The following SNX13 variants were observed in gnomAD, a reference collection of about 807,000 sequenced individuals.
SNX13 encodes sorting nexin-13.
In SNX13, 45 loss-of-function variants were observed where a neutral mutation model predicts 133.6. That is an observed-to-expected ratio of 0.34 (90% CI 0.27 to 0.43). SNX13 has a LOEUF of 0.43. Ranked by LOEUF, SNX13 falls within the 20% of genes least tolerant of loss-of-function variation. The probability of loss-of-function intolerance (pLI) is 1.00; values close to 1 mark genes in which losing one functional copy is unlikely to be tolerated. For missense variants in SNX13, 1,032 were observed against 1,145.1 expected, an observed-to-expected ratio of 0.90 and a Z score of 1.43; for synonymous variants, 414 against 373.9, an observed-to-expected ratio of 1.11 and a Z score of -1.24.
chr7:17,793,978 G>A lies in SNX13; in HGVS notation c.*67C>T. The stretch of plus-strand genomic sequence containing the variant: ...GCAGACACAACAGTATTTGAGTTAA[G>A]CCCCAGAAGATCTGTCCATACCATT... On this transcript the variant is annotated 3_prime_UTR_variant, in exon 26 of 26. Transcript: ENST00000428135. The A allele has an allele frequency of 6.5e-7, 1 of 1,532,838 alleles. No homozygotes were observed. 95.0% of individuals were successfully genotyped at this position (1,532,838 alleles called of 1,614,324 possible).
At chr7:17,854,124 GTTCT>G (rs1243189539) in intron 9 of SNX13, among the ~76,000 whole-genome samples, 3 of 152,018 alleles carry the variant, frequency 2.0e-5, no homozygotes, top group Non-Finnish European at 4.4e-5. Flanking sequence ...TTTTTTTTCT[GTTCT>G]TTATTTAAGA....
At chr7:17,933,207 A>G (rs1801600940) in intron 1 of SNX13, among the ~76,000 whole-genome samples, 1 of 152,244 alleles carries the variant, frequency 6.6e-6, no homozygotes, top group Non-Finnish European at 1.5e-5. Context: ...AATGACTGGT[A>G]ACCCTCAAAT....
chr7:17,812,181 C>A (rs559740153), intron 20 of SNX13, among the ~76,000 whole-genome samples: 31 of 152,100 alleles, frequency 2.0e-4, no homozygotes, highest in African/African-American at 6.7e-4. Context: ...TTCTGTACAG[C>A]AAAAGAAACT....
intron 20 of SNX13, among the ~76,000 whole-genome samples, chr7:17,806,387 G>C (rs1020237058): frequency 2.6e-5 from 4 of 152,138 alleles, no homozygotes; most frequent in African/African-American, 9.7e-5. Context: ...TTGATAAAAT[G>C]TTTGCAGATG....
At chr7:17,829,546 T>C (rs1376504679) in intron 16 of SNX13, among the ~76,000 whole-genome samples, 2 of 150,538 alleles carry the variant, frequency 1.3e-5, no homozygotes, top group Non-Finnish European at 3.0e-5. Flanking sequence ...CCTGAATTTG[T>C]TTTAGTGTAG....
At chr7:17,806,970 A>C (rs1454626033) in intron 20 of SNX13, among the ~76,000 whole-genome samples, 1 of 152,226 alleles carries the variant, frequency 6.6e-6, no homozygotes, top group African/African-American at 2.4e-5. Flanking sequence ...ACAGACCAGC[A>C]GATTTCCTCC....
At chr7:17,857,004 TA>T (rs1791989157) in intron 9 of SNX13, among the ~76,000 whole-genome samples, 3 of 151,484 alleles carry the variant, frequency 2.0e-5, no homozygotes, top group African/African-American at 7.3e-5. Context: ...TACGCTAGAC[TA>T]AGAAAAAAAG....
intron 1 of SNX13, among the ~76,000 whole-genome samples, chr7:17,906,441 C>T (rs1311182362): frequency 6.6e-6 from 1 of 151,856 alleles, no homozygotes; most frequent in East Asian, 1.9e-4. Flanking sequence ...ATATGTACCA[C>T]ACAATTTAAA....
chr7:17,801,016 A>ATATATATATATATATATACG lies in SNX13; in HGVS notation c.2298+571_2298+572insCGTATATATATATATATATA, dbSNP rs1784562216. ...GTATCTACTAAAACTGAACATATATATATATATATATATATATATATATAT... is the reference window on the plus strand; with the variant it reads ...GTATCTACTAAAACTGAACATATATATATATATATATATATATACGTATATATATATATATATATATATAT... On this transcript the variant is annotated intron_variant, in intron 22 of 25. Coordinates refer to ENST00000428135, the MANE Select transcript of SNX13 (RefSeq NM_015132.5). 2.8e-3 allele frequency among the ~76,000 whole-genome samples: 27 copies of ATATATATATATATATATACG among 9,776 alleles called. 1 individual carries two copies. Among genetic ancestry groups the ATATATATATATATATATACG allele is most frequent in the African/African-American group, 7.5e-3 (27 of 3,602 alleles). 6.4% of individuals were successfully genotyped at this position (9,776 alleles called of 152,430 possible). A position where few individuals can be genotyped will look rare whatever the true frequency, so the allele number is the denominator to read the frequency against.
intron 9 of SNX13, 124 bp from the exon 10 acceptor site, chr7:17,851,088 A>G (rs1381572531): frequency 2.1e-6 from 2 of 971,412 alleles, no homozygotes; most frequent in Non-Finnish European, 3.0e-6. Context: ...CAACAAAAAG[A>G]AAAAAGTTCT....
intron 5 of SNX13, among the ~76,000 whole-genome samples, chr7:17,885,288 C>T (rs1795854647): frequency 7.5e-6 from 1 of 133,260 alleles, no homozygotes; most frequent in African/African-American, 2.9e-5. Context: ...ATAGGCAAAT[C>T]CATAGAGACA....
intron 1 of SNX13, among the ~76,000 whole-genome samples, chr7:17,918,076 A>G (rs556120629): frequency 1.3e-5 from 2 of 152,262 alleles, no homozygotes; most frequent in East Asian, 1.9e-4. Context: ...GTCAATAAAC[A>G]GTGCTGGGAA....
intron 2 of SNX13, among the ~76,000 whole-genome samples, chr7:17,896,902 A>G (rs1797273824): frequency 6.6e-6 from 1 of 152,140 alleles, no homozygotes; most frequent in African/African-American, 2.4e-5. Context: ...GACCGAAATG[A>G]CAACATTCAT....
chr7:17,843,894 A>G (rs1790192416), intron 12 of SNX13, among the ~76,000 whole-genome samples: 2 of 152,090 alleles, frequency 1.3e-5, no homozygotes, highest in Non-Finnish European at 2.9e-5. Context: ...GAGAAATTAG[A>G]AAATACATAA....
chr7:17,796,088 A>C (rs1201534162), intron 25 of SNX13: 2 of 151,698 alleles, frequency 1.3e-5, no homozygotes, highest in Non-Finnish European at 3.0e-5. Context: ...ACATGCAGGC[A>C]TTTTCAAAGA....
intron 1 of SNX13, among the ~76,000 whole-genome samples, chr7:17,938,321 C>A (rs925693893): frequency 3.3e-5 from 5 of 152,288 alleles, no homozygotes; most frequent in Admixed American, 6.5e-5. Flanking sequence ...ACGGTCAGAG[C>A]TCTCTACTGA....
chr7:17,843,036 G>C (rs1184529393), intron 12 of SNX13, among the ~76,000 whole-genome samples: 3 of 151,710 alleles, frequency 2.0e-5, no homozygotes, highest in Non-Finnish European at 4.4e-5. Context: ...TATCAAAAAA[G>C]ACATAAAGCA....
intron 21 of SNX13, 97 bp from the exon 22 acceptor site, chr7:17,801,756 C>T: frequency 3.3e-6 from 3 of 905,998 alleles, no homozygotes. Flanking sequence ...AGCATTTGAT[C>T]TGACTTTTGG....
intron 2 of SNX13, among the ~76,000 whole-genome samples, chr7:17,894,806 A>G (rs1797026860): frequency 2.0e-5 from 3 of 152,202 alleles, no homozygotes; most frequent in South Asian, 4.1e-4. Context: ...GTCAGTCTCA[A>G]CTACTGAAAG....
Sources: allele counts gnomAD v4.1 joint callset (sites outside exome capture counted in the v4.1 genomes callset), GRCh38; gene constraint gnomAD v4.1.1; transcripts MANE v1.5; gene names NCBI Gene and HGNC (gene_info 2026-07-23, HGNC 2026-07-21).